Variants in SMURF2 observed in about 807,000 individuals in gnomAD.
The protein encoded by SMURF2 is SMAD specific E3 ubiquitin protein ligase 2.
In SMURF2, 48 loss-of-function variants were observed where a neutral mutation model predicts 109.6. The ratio of observed to expected loss-of-function variants is 0.44; its 90% CI spans 0.35 to 0.56. SMURF2 has a LOEUF of 0.56. Ranked by LOEUF, SMURF2 falls within the 20% of genes least tolerant of loss-of-function variation. The probability of loss-of-function intolerance (pLI) is 0.01; values close to 1 mark genes in which losing one functional copy is unlikely to be tolerated. For synonymous variants in SMURF2, 288 were observed against 317.1 expected (o/e 0.91, Z 0.97); for missense variants, 575 against 909.0 (o/e 0.63, Z 4.72).
chr17:64,627,052 G>A (rs987896759), intron 1 of SMURF2, among the ~76,000 whole-genome samples: 3 of 149,978 alleles, frequency 2.0e-5, no homozygotes, highest in African/African-American at 2.5e-5. Flanking sequence ...GCCAAGCCCT[G>A]TACAAATTAC....
intron 12 of SMURF2, 136 bp from the exon 13 acceptor site, chr17:64,557,858 A>G: frequency 1.8e-6 from 1 of 542,466 alleles, no homozygotes. Context: ...ACAGTTATAT[A>G]AGATCACATT....
chr17:64,610,178 C>T (rs1473443615), intron 1 of SMURF2, among the ~76,000 whole-genome samples: 2 of 152,160 alleles, frequency 1.3e-5, no homozygotes, highest in Non-Finnish European at 2.9e-5. Context: ...ATTAGTTCAA[C>T]CATTGTGAAA....
chr17:64,659,707 A>G (rs1372310682), intron 1 of SMURF2, among the ~76,000 whole-genome samples: 1 of 152,090 alleles, frequency 6.6e-6, no homozygotes, highest in African/African-American at 2.4e-5. Context: ...TTATGTCCTA[A>G]AAAGCTGCTA....
intron 1 of SMURF2, 141 bp downstream of exon 1, chr17:64,661,688 T>G: frequency 2.1e-6 from 1 of 482,030 alleles, no homozygotes. Context: ...TTCCAATTAC[T>G]CTCCCTGAAC....
intron 1 of SMURF2, among the ~76,000 whole-genome samples, chr17:64,636,914 C>T (rs1458925512): frequency 1.3e-5 from 2 of 152,012 alleles, no homozygotes; most frequent in East Asian, 1.9e-4. Context: ...TGGACACAAA[C>T]GTTTTTAATT....
At chr17:64,622,096 TA>T (rs1298107667) in intron 1 of SMURF2, among the ~76,000 whole-genome samples, 28 of 149,176 alleles carry the variant, frequency 1.9e-4, no homozygotes, top group South Asian at 1.3e-3. Context: ...ATAATAAATT[TA>T]AAAAAATAAA....
chr17:64,628,375 A>G (rs77363502), intron 1 of SMURF2, among the ~76,000 whole-genome samples: 7,684 of 152,168 alleles, frequency 0.05, 322 homozygotes, highest in African/African-American at 0.11. Context: ...CTATGTATAC[A>G]TTTTCTATCA....
chr17:64,563,342 G>C (rs1969252953), intron 10 of SMURF2, among the ~76,000 whole-genome samples: 1 of 152,200 alleles, frequency 6.6e-6, no homozygotes, highest in Non-Finnish European at 1.5e-5. Context: ...AGCCAAACAG[G>C]AGTCTGAAAG....
intron 10 of SMURF2, among the ~76,000 whole-genome samples, chr17:64,569,730 T>C (rs1598275570): frequency 6.6e-6 from 1 of 152,210 alleles, no homozygotes; most frequent in African/African-American, 2.4e-5. Flanking sequence ...GGAACTCATA[T>C]ATTGCCGGTA....
At chr17:64,632,974 A>G (rs933942685) in intron 1 of SMURF2, among the ~76,000 whole-genome samples, 1 of 152,228 alleles carries the variant, frequency 6.6e-6, no homozygotes, top group South Asian at 2.1e-4. Flanking sequence ...ATTTATTGTT[A>G]TAACAGAAGG....
Position 64,589,368 on chromosome 17 carries a change from T to C in SMURF2, c.400+1716A>G, listed in dbSNP as rs1164343901. Among the ~76,000 whole-genome samples the C allele has an allele frequency of 4.6e-5, 7 of 152,066 alleles. No individual in the cohort carries two copies. The South Asian group carries it at 6.2e-4, about 14-fold the overall frequency. ...GAAGGAACACTTACATGTGAAAGTGTTGTATGACTGAATTTATTTTTGAGT... is the reference window on the plus strand; with the variant it reads ...GAAGGAACACTTACATGTGAAAGTGCTGTATGACTGAATTTATTTTTGAGT... On this transcript the variant is annotated intron_variant, in intron 5 of 18. Coordinates refer to ENST00000262435, the MANE Select transcript of SMURF2 (RefSeq NM_022739.4).
At chr17:64,634,625 C>T (rs1211797946) in intron 1 of SMURF2, among the ~76,000 whole-genome samples, 1 of 152,176 alleles carries the variant, frequency 6.6e-6, no homozygotes, top group Non-Finnish European at 1.5e-5. Context: ...TTCCATTTCC[C>T]TGAAGTTTTT....
chr17:64,656,409 A>G (rs1970705728), intron 1 of SMURF2, among the ~76,000 whole-genome samples: 1 of 152,252 alleles, frequency 6.6e-6, no homozygotes, highest in Admixed American at 6.5e-5. Context: ...TATCATTAGT[A>G]AACAGACAGG....
rs782761827 is a variant in SMURF2 at position 64,628,684 on chromosome 17, TG to T, written c.53-22045del. On this transcript the variant is annotated intron_variant, in intron 1 of 18. Transcript: ENST00000262435. ...TAAACTCTAACACTAAGACAACCAA[TG>T]GCTCAATAACTCAAAATTAACTTCC... is the stretch of plus-strand genomic sequence containing the variant. Among the ~76,000 whole-genome samples, 65 of 152,144 alleles carry T rather than the reference TG, an allele frequency of 4.3e-4. 1 individual carries two copies. Among genetic ancestry groups the T allele is most frequent in the Admixed American group, 3.9e-4 (6 of 15,278 alleles).
chr17:64,583,640 A>C (rs1382680027), intron 6 of SMURF2, 96 bp from the exon 7 acceptor site: 1 of 828,950 alleles, frequency 1.2e-6, no homozygotes, highest in African/African-American at 1.7e-5. Flanking sequence ...CAAATCGGGA[A>C]TGCCAACCCG....
chr17:64,561,281 A>T (rs2144603842), intron 12 of SMURF2, among the ~76,000 whole-genome samples: 1 of 152,302 alleles, frequency 6.6e-6, no homozygotes, highest in East Asian at 1.9e-4. Context: ...CTGCAGTCTC[A>T]TGGGACTCAG....
At chr17:64,596,585 C>CAAAAAAAAAAAAA (rs201858792) in intron 3 of SMURF2, among the ~76,000 whole-genome samples, 4 of 45,466 alleles carry the variant, frequency 8.8e-5, no homozygotes, top group Non-Finnish European at 2.0e-4. Flanking sequence ...GGAGAGTAAA[C>CAAAAAAAAAAAAA]AAAAAAAAAA....
At chr17:64,643,120 G>T (rs1421313932) in intron 1 of SMURF2, among the ~76,000 whole-genome samples, 1 of 152,006 alleles carries the variant, frequency 6.6e-6, no homozygotes, top group African/African-American at 2.4e-5. Context: ...AACTTCCTGG[G>T]CTCCAGTGAC....
At chr17:64,647,408 C>T (rs1230192318) in intron 1 of SMURF2, among the ~76,000 whole-genome samples, 9 of 152,052 alleles carry the variant, frequency 5.9e-5, no homozygotes, top group Admixed American at 2.6e-4. Flanking sequence ...AGGCCGGGTA[C>T]GGTGGTTCAC....
Sources: gnomAD v4.1 joint callset for allele counts (sites outside exome capture counted in the v4.1 genomes callset) on GRCh38, gnomAD v4.1.1 for gene constraint, MANE v1.5 for transcripts, NCBI Gene and HGNC (gene_info 2026-07-23, HGNC 2026-07-21) for gene names.